The following CEP112 variants were observed in gnomAD, a reference collection of about 807,000 sequenced individuals.
CEP112 encodes the protein centrosomal protein 112, also known as centrosomal protein of 112 kDa.
Under a neutral mutation model 153.0 loss-of-function variants are expected in CEP112, and 127 were observed. That is an observed-to-expected ratio of 0.83 (90% confidence interval 0.72 to 0.96). The LOEUF (loss-of-function observed/expected upper bound fraction) is 0.96. CEP112 is among the 40% of genes least tolerant of loss of function. The probability of loss-of-function intolerance (pLI) is 0.00; values close to 1 mark genes in which losing one functional copy is unlikely to be tolerated. For synonymous variants in CEP112, 358 were observed against 374.4 expected, an observed-to-expected ratio of 0.96 and a Z score of 0.51; for missense variants, 1,089 against 1,101.2, an observed-to-expected ratio of 0.99 and a Z score of 0.16.
intron 4 of CEP112, among the ~76,000 whole-genome samples, chr17:66,151,653 T>C (rs573739377): frequency 3.3e-5 from 5 of 152,230 alleles, no homozygotes; most frequent in African/African-American, 1.2e-4. Flanking sequence ...GGCTATCCTA[T>C]AGAGAGGCCC....
rs1299442507 is a variant in CEP112 at position 66,034,983 on chromosome 17, T to A, written c.1219-4960A>T. Among the ~76,000 whole-genome samples the A allele has an allele frequency of 2.9e-3, 92 of 31,930 alleles. 4 individuals carry two copies. Among genetic ancestry groups the A allele is most frequent in the African/African-American group, 5.4e-3 (90 of 16,744 alleles). The allele number at this position is 31,930 out of a possible 152,430, so 20.9% of individuals were successfully genotyped here. ...CCAGCTAAGTTTTTGCATGTATATATATATATATACATATATATATATATA... is the reference window on the plus strand; with the variant it reads ...CCAGCTAAGTTTTTGCATGTATATAAATATATATACATATATATATATATA... On this transcript the variant is annotated intron_variant, in intron 12 of 26. Coordinates refer to ENST00000535342, the MANE Select transcript of CEP112 (RefSeq NM_001199165.4).
chr17:66,124,885 T>C lies in CEP112; in HGVS notation c.642+4861A>G, dbSNP rs557008539. On this transcript the variant is annotated intron_variant, in intron 6 of 26. Transcript: ENST00000535342. ...TGGTTGTGGGAGAACCTGGCTGTAATAGATTTACTCATGGCCAGAAGTTTA... is the reference window on the plus strand; with the variant it reads ...TGGTTGTGGGAGAACCTGGCTGTAACAGATTTACTCATGGCCAGAAGTTTA... Among the ~76,000 whole-genome samples the C allele has an allele frequency of 2.6e-5, 4 of 152,310 alleles. No homozygotes were observed. In the South Asian group the frequency reaches 6.2e-4, roughly 24 times the overall value.
intron 23 of CEP112, among the ~76,000 whole-genome samples, chr17:65,737,111 A>C (rs2050848029): frequency 6.6e-6 from 1 of 152,202 alleles, no homozygotes; most frequent in South Asian, 2.1e-4. Flanking sequence ...AGTCAAATAG[A>C]CTTCTCAAGA....
intron 6 of CEP112, among the ~76,000 whole-genome samples, chr17:66,121,050 G>A (rs1477994719): frequency 5.9e-5 from 9 of 151,992 alleles, no homozygotes; most frequent in Admixed American, 4.6e-4. Flanking sequence ...AGGCCGAGGC[G>A]GGCGGATCGC....
intron 16 of CEP112, among the ~76,000 whole-genome samples, chr17:66,025,705 A>G (rs955602700): frequency 4.6e-5 from 7 of 152,108 alleles, no homozygotes; most frequent in Non-Finnish European, 8.8e-5. Flanking sequence ...GCTGGTGGGA[A>G]TGTAAATTAG....
At chr17:65,729,299 G>C (rs1299432078) in intron 23 of CEP112, among the ~76,000 whole-genome samples, 4 of 152,012 alleles carry the variant, frequency 2.6e-5, no homozygotes, top group Admixed American at 1.3e-4. Flanking sequence ...TAATCTTATG[G>C]GACTACCATC....
intron 24 of CEP112, among the ~76,000 whole-genome samples, chr17:65,642,265 T>C (rs996070531): frequency 2.2e-4 from 34 of 152,312 alleles, no homozygotes. Context: ...TGAGTTGCAG[T>C]GTATCATACC....
chr17:65,889,559 C>T (rs1295073398), intron 20 of CEP112, among the ~76,000 whole-genome samples: 1 of 151,994 alleles, frequency 6.6e-6, no homozygotes, highest in Non-Finnish European at 1.5e-5. Flanking sequence ...AGCTCTATTT[C>T]CTTCACCTTC....
At chr17:66,185,318 G>A (rs944301750) in intron 1 of CEP112, among the ~76,000 whole-genome samples, 1 of 152,178 alleles carries the variant, frequency 6.6e-6, no homozygotes, top group East Asian at 1.9e-4. Flanking sequence ...CGCCTCCTGG[G>A]TTCAAGTGAT....
intron 19 of CEP112, among the ~76,000 whole-genome samples, chr17:65,908,721 T>G (rs761349037): frequency 2.7e-5 from 4 of 150,734 alleles, no homozygotes; most frequent in Non-Finnish European, 5.9e-5. Context: ...AGGGTCCTGC[T>G]CCACCCACCA....
intron 21 of CEP112, among the ~76,000 whole-genome samples, chr17:65,830,316 T>C (rs566907397): frequency 6.6e-6 from 1 of 152,312 alleles, no homozygotes; most frequent in Non-Finnish European, 1.5e-5. Context: ...AAGAGAAATA[T>C]TCATGTTGGA....
intron 18 of CEP112, among the ~76,000 whole-genome samples, chr17:65,957,436 A>C (rs1444015423): frequency 1.3e-5 from 2 of 152,128 alleles, no homozygotes; most frequent in Non-Finnish European, 2.9e-5. Context: ...TCTTGCCTTT[A>C]GCATGCAAAA....
chr17:65,834,222 A>AT (rs2057209384), intron 21 of CEP112, among the ~76,000 whole-genome samples: 1 of 152,218 alleles, frequency 6.6e-6, no homozygotes, highest in Non-Finnish European at 1.5e-5. Flanking sequence ...AAAGACTTAA[A>AT]TGTAAAACCT....
intron 17 of CEP112, among the ~76,000 whole-genome samples, chr17:65,971,324 A>T (rs1214652299): frequency 6.6e-6 from 1 of 150,390 alleles, no homozygotes; most frequent in Non-Finnish European, 1.5e-5. Context: ...ACAAGTCTTA[A>T]AAATATATTA....
At chr17:65,764,818 T>C (rs1271331745) in intron 21 of CEP112, among the ~76,000 whole-genome samples, 1 of 149,092 alleles carries the variant, frequency 6.7e-6, no homozygotes, top group Non-Finnish European at 1.5e-5. Context: ...CTCCTGGTTG[T>C]TTTGTATATC....
chr17:65,948,896 T>A (rs2061730231), intron 18 of CEP112, among the ~76,000 whole-genome samples: 1 of 152,210 alleles, frequency 6.6e-6, no homozygotes, highest in Non-Finnish European at 1.5e-5. Flanking sequence ...CTGTCTGCAA[T>A]CTGCAGCAGT....
At chr17:65,945,806 C>A (rs890481984) in intron 18 of CEP112, among the ~76,000 whole-genome samples, 2 of 151,994 alleles carry the variant, frequency 1.3e-5, no homozygotes, top group African/African-American at 4.8e-5. Flanking sequence ...GCCATCATAC[C>A]CGGCTAATTT....
At chr17:66,044,562 CA>C (rs2066120751) in intron 12 of CEP112, among the ~76,000 whole-genome samples, 1 of 152,144 alleles carries the variant, frequency 6.6e-6, no homozygotes, top group African/African-American at 2.4e-5. Context: ...ACACAAGCCA[CA>C]ACATGAATGG....
intron 21 of CEP112, among the ~76,000 whole-genome samples, chr17:65,793,204 G>T (rs2054700036): frequency 6.6e-6 from 1 of 152,094 alleles, no homozygotes; most frequent in African/African-American, 2.4e-5. Context: ...CCATTGTTTG[G>T]GTAGTACAGT....
Sources: gnomAD v4.1 joint callset for allele counts (sites outside exome capture counted in the v4.1 genomes callset) on GRCh38, gnomAD v4.1.1 for gene constraint, MANE v1.5 for transcripts, NCBI Gene and HGNC (gene_info 2026-07-23, HGNC 2026-07-21) for gene names.